GPC6: variants seen among roughly 807,000 people sequenced by gnomAD.
GPC6 encodes glypican 6.
Under a neutral mutation model 55.2 loss-of-function variants are expected in GPC6, and 14 were observed. That is an observed-to-expected ratio of 0.25 (90% CI 0.17 to 0.40). The LOEUF is 0.40. Ranked by LOEUF, GPC6 falls within the 10% of genes least tolerant of loss-of-function variation. The pLI is 1.00. For synonymous variants in GPC6, 278 were observed against 259.6 expected (o/e 1.07, Z -0.68); for missense variants, 641 against 708.5 (o/e 0.90, Z 1.08).
intron 1 of GPC6, among the ~76,000 whole-genome samples, chr13:93,284,895 A>G (rs943452950): frequency 5.3e-5 from 8 of 152,298 alleles, no homozygotes; most frequent in Non-Finnish European, 7.4e-5. Context: ...AGGTTGTTAT[A>G]TGGTCTGGGA....
intron 3 of GPC6, among the ~76,000 whole-genome samples, chr13:94,004,363 T>C (rs1223639169): frequency 6.6e-6 from 1 of 151,870 alleles, no homozygotes; most frequent in African/African-American, 2.4e-5. Context: ...GGATGATACT[T>C]AACAATGTCT....
At chr13:93,746,376 G>T (rs531628805) in intron 2 of GPC6, among the ~76,000 whole-genome samples, 1 of 152,246 alleles carries the variant, frequency 6.6e-6, no homozygotes, top group Admixed American at 6.5e-5. Context: ...ATACATTCAT[G>T]AAGAGTCCAA....
At chr13:93,288,517 G>A (rs1878210601) in intron 1 of GPC6, among the ~76,000 whole-genome samples, 1 of 152,074 alleles carries the variant, frequency 6.6e-6, no homozygotes, top group Non-Finnish European at 1.5e-5. Context: ...GATGATGAAA[G>A]AATATTTTTA....
intron 1 of GPC6, among the ~76,000 whole-genome samples, chr13:93,325,373 ATACT>A (rs557591650): frequency 7.0e-4 from 106 of 152,276 alleles, no homozygotes; most frequent in African/African-American, 2.3e-3. Flanking sequence ...GCATTGCTTT[ATACT>A]TACAGACAAT....
intron 1 of GPC6, among the ~76,000 whole-genome samples, chr13:93,414,308 C>T (rs549455541): frequency 4.6e-5 from 7 of 152,278 alleles, no homozygotes; most frequent in South Asian, 2.1e-4. Flanking sequence ...ATCAATTCTA[C>T]ACAGTTTTTC....
intron 1 of GPC6, among the ~76,000 whole-genome samples, chr13:93,246,898 G>A (rs1324603568): frequency 1.4e-5 from 2 of 144,018 alleles, no homozygotes; most frequent in African/African-American, 5.1e-5. Context: ...TCTTTTAGCT[G>A]TTTGCTTATC....
At chr13:93,292,741 T>C (rs193044883) in intron 1 of GPC6, among the ~76,000 whole-genome samples, 102 of 141,052 alleles carry the variant, frequency 7.2e-4, no homozygotes, top group Non-Finnish European at 5.2e-4. Context: ...CTTTTCCCTA[T>C]AGTAAGAAAC....
chr13:93,604,806 T>C (rs1878171463), intron 2 of GPC6, among the ~76,000 whole-genome samples: 1 of 151,572 alleles, frequency 6.6e-6, no homozygotes. Context: ...CTTAGCACAG[T>C]ATCCACCTCG....
intron 4 of GPC6, among the ~76,000 whole-genome samples, chr13:94,198,574 A>G (rs1006594840): frequency 9.2e-5 from 14 of 152,324 alleles, no homozygotes; most frequent in African/African-American, 3.4e-4. Flanking sequence ...TTTAGAAGAT[A>G]TTTTAGATGA....
At chr13:93,421,619 T>C (rs1275632328) in intron 1 of GPC6, among the ~76,000 whole-genome samples, 1 of 152,100 alleles carries the variant, frequency 6.6e-6, no homozygotes, top group Admixed American at 6.5e-5. Context: ...TATTGAACTA[T>C]TTGAAAGTCC....
chr13:93,232,344 T>C (rs1045944356), intron 1 of GPC6, among the ~76,000 whole-genome samples: 1 of 152,176 alleles, frequency 6.6e-6, no homozygotes, highest in Non-Finnish European at 1.5e-5. Context: ...ACTTCAATTT[T>C]TGTTTTTGTA....
At chr13:93,513,053 A>G (rs182952840) in intron 1 of GPC6, among the ~76,000 whole-genome samples, 90 of 152,256 alleles carry the variant, frequency 5.9e-4, no homozygotes, top group African/African-American at 2.1e-3. Context: ...TTTGTTAGCT[A>G]TTGTCCTTGA....
chr13:94,158,877 C>CT (rs1447638491), intron 4 of GPC6, among the ~76,000 whole-genome samples: 3 of 152,064 alleles, frequency 2.0e-5, no homozygotes, highest in African/African-American at 4.8e-5. Context: ...CATATGGCAG[C>CT]TTTTATTAAT....
intron 2 of GPC6, among the ~76,000 whole-genome samples, chr13:93,597,556 C>G (rs1377304723): frequency 6.6e-6 from 1 of 152,146 alleles, no homozygotes. Context: ...CAGAGGTTCA[C>G]TCAAACACCA....
At chr13:93,504,559 T>C (rs1161863616) in intron 1 of GPC6, among the ~76,000 whole-genome samples, 1 of 150,832 alleles carries the variant, frequency 6.6e-6, no homozygotes, top group Non-Finnish European at 1.5e-5. Flanking sequence ...TATTCATCAT[T>C]GTATCTTTAG....
At chr13:93,862,884 CT>C (rs1203330568) in intron 3 of GPC6, among the ~76,000 whole-genome samples, 4 of 151,572 alleles carry the variant, frequency 2.6e-5, no homozygotes, top group Admixed American at 2.6e-4. Context: ...TAGACCCACT[CT>C]TTTCATAACA....
chr13:93,686,617 C>T (rs960430567), intron 2 of GPC6, among the ~76,000 whole-genome samples: 2 of 152,126 alleles, frequency 1.3e-5, no homozygotes, highest in African/African-American at 4.8e-5. Context: ...CTGCCTAGAA[C>T]TTTTTCATTT....
chr13:93,765,311 T>TGTC (rs1368557718), intron 2 of GPC6, among the ~76,000 whole-genome samples: 103 of 33,158 alleles, frequency 3.1e-3, no homozygotes, highest in African/African-American at 4.5e-3. Flanking sequence ...GACAACTTAT[T>TGTC]TGGTTTAAGT....
At chr13:93,392,083 A>G (rs1875655612) in intron 1 of GPC6, among the ~76,000 whole-genome samples, 1 of 152,194 alleles carries the variant, frequency 6.6e-6, no homozygotes, top group African/African-American at 2.4e-5. Context: ...ACTTACATAT[A>G]GGAGGCTTAG....
Sources: gnomAD v4.1 joint callset for allele counts (sites outside exome capture counted in the v4.1 genomes callset) on GRCh38, gnomAD v4.1.1 for gene constraint, MANE v1.5 for transcripts, NCBI Gene and HGNC (gene_info 2026-07-23, HGNC 2026-07-21) for gene names.